Variants in KIF18B observed in about 807,000 individuals in gnomAD.
KIF18B encodes the protein kinesin family member 18B, also known as kinesin-like protein KIF18B.
A neutral mutation model predicts 80.9 loss-of-function variants in KIF18B; 49 were observed. The observed-to-expected ratio is 0.61, with a 90% confidence interval of 0.48 to 0.77. KIF18B has a LOEUF of 0.77. Ranked by LOEUF, KIF18B falls within the 30% of genes least tolerant of loss-of-function variation. The pLI is 0.00. For synonymous variants in KIF18B, 439 were observed against 463.9 expected (o/e 0.95, Z 0.69); for missense variants, 994 against 1,127.7 (o/e 0.88, Z 1.70).
chr17:44,942,435 G>A (rs1025155260), intron 1 of KIF18B, among the ~76,000 whole-genome samples: 5 of 152,198 alleles, frequency 3.3e-5, no homozygotes, highest in African/African-American at 1.2e-4. Context: ...CAAGTCCCTG[G>A]AGAAGAATTT....
intron 1 of KIF18B, among the ~76,000 whole-genome samples, chr17:44,946,742 A>G (rs1038685106): frequency 2.6e-5 from 4 of 152,158 alleles, no homozygotes; most frequent in South Asian, 2.1e-4. Flanking sequence ...TAAAAGGTCA[A>G]AGCTAAGGGG....
intron 1 of KIF18B, among the ~76,000 whole-genome samples, chr17:44,940,621 A>G (rs2052397750): frequency 6.6e-6 from 1 of 152,282 alleles, no homozygotes; most frequent in South Asian, 2.1e-4. Flanking sequence ...GTTCAGCCCA[A>G]CTCTGGGGAT....
Position 44,925,881 on chromosome 17 carries a change from CAGG to C in KIF18B, c.*196_*198del. 9 of 621,208 alleles carry C rather than the reference CAGG, an allele frequency of 1.4e-5. 1 individual carries two copies. The South Asian group carries it at 1.7e-4, about 12-fold the overall frequency. The allele number at this position is 621,208 out of a possible 1,614,324, so 38.5% of individuals were successfully genotyped here. ...GTACATGCCAAGAAGCTGAGTGTAA[CAGG>C]AGATTAACAGAGGGTGAGTAGCAGG... On this transcript the variant is annotated 3_prime_UTR_variant, in exon 16 of 16. Transcript: ENST00000593135.
chr17:44,942,902 C>G (rs779309507), intron 1 of KIF18B, among the ~76,000 whole-genome samples: 1 of 152,212 alleles, frequency 6.6e-6, no homozygotes, highest in Non-Finnish European at 1.5e-5. Flanking sequence ...AGGAACTTGT[C>G]TCCCAAATGT....
rs778940244 is a variant in KIF18B at position 44,935,269 on chromosome 17, CTGA to C, written c.458_460del (p.Ile153del). ...GCAGGGGCAGCCGACCTCCTGGTAG[CTGA>C]TGAGCACCTCGAAGTGCTTCTCCTG... On this transcript the variant is annotated inframe_deletion, in exon 3 of 16. Coordinates refer to ENST00000593135, the MANE Select transcript of KIF18B (RefSeq NM_001265577.2). 3 of 1,605,802 alleles carry C rather than the reference CTGA, an allele frequency of 1.9e-6. No individual in the cohort carries two copies. Among genetic ancestry groups the C allele is most frequent in the Non-Finnish European group, 2.6e-6 (3 of 1,175,142 alleles).
At position 44,933,953 on chromosome 17, in the gene KIF18B, A is replaced by G. The variant is rs2052217374; in HGVS notation, c.1032T>C (p.Tyr344=). The part of the protein sequence containing the change: ...TYEDTYNTLK[Y]ADRAKEIRLS... ...GCCTGATCTCCTTGGCCCGGTCGGC[A>G]TATTTGAGGGTGTTGTACGTGTCCT... Residue 344 remains tyrosine, a synonymous_variant, in exon 7 of 16, where the codon TAT becomes TAC. Transcript: ENST00000593135. 2 of 1,584,732 alleles carry G rather than the reference A, an allele frequency of 1.3e-6. No homozygotes were observed. Among genetic ancestry groups the G allele is most frequent in the South Asian group, 2.3e-5 (2 of 86,884 alleles).
intron 1 of KIF18B, among the ~76,000 whole-genome samples, chr17:44,943,391 C>T (rs1237178953): frequency 5.9e-5 from 9 of 152,106 alleles, no homozygotes; most frequent in African/African-American, 1.7e-4. Context: ...TGAGCCACCG[C>T]GCCTGGCCTC....
intron 9 of KIF18B, 174 bp from the exon 10 acceptor site, chr17:44,932,380 A>G (rs2145691101): frequency 3.0e-6 from 2 of 677,386 alleles, no homozygotes; most frequent in Non-Finnish European, 4.8e-6. Context: ...GCAGTAGCTG[A>G]GGGTAGGAGG....
rs757947145 is a variant in KIF18B, at chr17:44,936,018, G to C, written c.313+14C>G. ...GGAGGCCAGGCCACTGCCAGGCAGG[G>C]CTGAGGTTCTCACCTGAGCAGTTGT... is the stretch of plus-strand genomic sequence containing the variant. On this transcript the variant is annotated intron_variant, in intron 2 of 15. Coordinates refer to ENST00000593135, the MANE Select transcript of KIF18B (RefSeq NM_001265577.2). The C allele has an allele frequency of 1.1e-5, 17 of 1,612,280 alleles. No homozygotes were observed. The South Asian group carries it at 1.8e-4, about 17-fold the overall frequency.
intron 1 of KIF18B, among the ~76,000 whole-genome samples, chr17:44,939,044 CA>C (rs71363506): frequency 3.5e-4 from 46 of 132,956 alleles, no homozygotes; most frequent in African/African-American, 7.3e-4. Flanking sequence ...AACTCCATCT[CA>C]AAAAAAAAAA....
chr17:44,939,872 G>A (rs966372826), intron 1 of KIF18B, among the ~76,000 whole-genome samples: 1 of 152,066 alleles, frequency 6.6e-6, no homozygotes, highest in African/African-American at 2.4e-5. Flanking sequence ...GAGTGCAGTG[G>A]CACGATCTTG....
At chr17:44,941,542 T>C (rs2052418445) in intron 1 of KIF18B, among the ~76,000 whole-genome samples, 6 of 152,198 alleles carry the variant, frequency 3.9e-5, no homozygotes. Context: ...TTTCACCATG[T>C]TGGCCAGGCT....
intron 1 of KIF18B, among the ~76,000 whole-genome samples, chr17:44,938,813 G>C (rs1022373350): frequency 6.6e-6 from 1 of 152,096 alleles, no homozygotes; most frequent in Non-Finnish European, 1.5e-5. Flanking sequence ...GGGAGACCAA[G>C]GTGGGCGGAT....
At position 44,932,697 on chromosome 17, in the gene KIF18B, G is replaced by A. The variant is rs1333746547; in HGVS notation, c.1214C>T (p.Pro405Leu). The A allele has an allele frequency of 1.9e-6, 3 of 1,612,038 alleles. No individual in the cohort carries two copies. The highest frequency in any genetic ancestry group is 2.5e-6 in the Non-Finnish European group (3 of 1,179,428). Residue 405 changes from proline to leucine, a missense_variant, in exon 9 of 16, where the codon CCC becomes CTC. Pro to Leu is a moderately conservative substitution (Grantham distance 98). Coordinates refer to ENST00000593135, the MANE Select transcript of KIF18B (RefSeq NM_001265577.2). The stretch of plus-strand genomic sequence containing the variant: ...CTGTTCTGGTGGTGGTCCCGACTTG[G>A]GAGATCCTGGGAGGTCCTGTGGTGG... ...QPPPQDLPGS[P>L]KSGPPPEHQP...
At chr17:44,939,492 A>T (rs991798443) in intron 1 of KIF18B, among the ~76,000 whole-genome samples, 1 of 150,306 alleles carries the variant, frequency 6.7e-6, no homozygotes, top group African/African-American at 2.4e-5. Context: ...ATCATATATC[A>T]CCTCATTGCT....
chr17:44,945,488 C>T (rs1436478191), intron 1 of KIF18B, among the ~76,000 whole-genome samples: 1 of 152,110 alleles, frequency 6.6e-6, no homozygotes, highest in Non-Finnish European at 1.5e-5. Flanking sequence ...TATAAGTTGC[C>T]CTCTAAGTAT....
chr17:44,936,620 ATATATTTTTTTTTTTTTTTTTTTTT>A (rs1771975388), intron 1 of KIF18B, among the ~76,000 whole-genome samples: 2 of 60,156 alleles, frequency 3.3e-5, no homozygotes, highest in Non-Finnish European at 5.9e-5. Flanking sequence ...ATATATATAT[ATATATTTTTTTTTTTTTTTTTTTTT>A]TTTTTTTTTT....
At chr17:44,926,852 C>T (rs1828654441) in intron 14 of KIF18B, 137 bp downstream of exon 14, 1 of 753,252 alleles carries the variant, frequency 1.3e-6, no homozygotes, top group African/African-American at 1.7e-5. Flanking sequence ...GATGCGGGCC[C>T]TGCTCACAGG....
Position 44,932,682 on chromosome 17 carries a change from G to A in KIF18B, c.1229C>T (p.Pro410Leu). 5 of 1,607,534 alleles carry A rather than the reference G, an allele frequency of 3.1e-6. No homozygotes were observed. The highest frequency in any genetic ancestry group is 4.3e-6 in the Non-Finnish European group (5 of 1,175,718). ...GGGCAGTGGAACTCACTGTTCTGGT[G>A]GTGGTCCCGACTTGGGAGATCCTGG... Reference protein sequence around the residue: ...DLPGSPKSGPPPEHQPCTPEL... With the variant: ...DLPGSPKSGPLPEHQPCTPEL... Residue 410 changes from proline to leucine, a missense_variant, in exon 9 of 16, where the codon CCA (proline) becomes CTA (leucine). Coordinates refer to ENST00000593135, the MANE Select transcript of KIF18B (RefSeq NM_001265577.2).
Sources: allele counts gnomAD v4.1 joint callset (sites outside exome capture counted in the v4.1 genomes callset), GRCh38; gene constraint gnomAD v4.1.1; transcripts MANE v1.5; gene names NCBI Gene and HGNC (gene_info 2026-07-23, HGNC 2026-07-21).